Variants in CAMK1D observed in about 807,000 individuals in gnomAD.
CAMK1D encodes calcium/calmodulin dependent protein kinase ID, also known as calcium/calmodulin-dependent protein kinase type 1D.
CAMK1D carries 9 observed loss-of-function variants against 47.7 expected under a neutral mutation model. The observed-to-expected ratio is 0.19, with a 90% CI of 0.11 to 0.33. The LOEUF (loss-of-function observed/expected upper bound fraction) is 0.33, where lower values mean the gene tolerates loss of function less well. Among genes scored for constraint, CAMK1D ranks in the 10% least tolerant of loss-of-function variants. The pLI, the probability that CAMK1D is intolerant of heterozygous loss-of-function variation, is 1.00. For missense variants in CAMK1D, 291 were observed against 488.7 expected, an observed-to-expected ratio of 0.60 and a Z score of 3.81; for synonymous variants, 184 against 184.9, an observed-to-expected ratio of 0.99 and a Z score of 0.04.
chr10:12,511,644 T>C (rs1835043728), intron 1 of CAMK1D, among the ~76,000 whole-genome samples: 1 of 152,136 alleles, frequency 6.6e-6, no homozygotes, highest in African/African-American at 2.4e-5. Flanking sequence ...AAACCACATA[T>C]CTGGGTCCTC....
intron 1 of CAMK1D, among the ~76,000 whole-genome samples, chr10:12,492,812 G>A (rs1341874260): frequency 6.6e-6 from 1 of 152,114 alleles, no homozygotes; most frequent in African/African-American, 2.4e-5. Flanking sequence ...CAGGCTGGTA[G>A]CTTGAGGTCC....
At chr10:12,634,301 G>A (rs1839456243) in intron 2 of CAMK1D, among the ~76,000 whole-genome samples, 1 of 152,118 alleles carries the variant, frequency 6.6e-6, no homozygotes, top group South Asian at 2.1e-4. Context: ...GGGGAGAGAA[G>A]AAAATAAAAC....
At chr10:12,614,890 A>G (rs1170097816) in intron 2 of CAMK1D, among the ~76,000 whole-genome samples, 1 of 152,222 alleles carries the variant, frequency 6.6e-6, no homozygotes, top group East Asian at 1.9e-4. Flanking sequence ...TGGAGTAATC[A>G]GCCCCAAGTC....
At chr10:12,454,352 C>T (rs868762697) in intron 1 of CAMK1D, among the ~76,000 whole-genome samples, 6 of 151,498 alleles carry the variant, frequency 4.0e-5, no homozygotes, top group South Asian at 2.1e-4. Flanking sequence ...TTAGTAGAGA[C>T]GGGGCTTTAC....
At chr10:12,581,130 C>T (rs959752456) in intron 2 of CAMK1D, among the ~76,000 whole-genome samples, 3 of 152,142 alleles carry the variant, frequency 2.0e-5, no homozygotes, top group African/African-American at 7.2e-5. Context: ...TGAGTGAGAA[C>T]ATACGATGTT....
rs187947976 is a variant in CAMK1D, at chr10:12,795,959, G to A, written c.641+4726G>A. Reference sequence around the variant, plus strand: ...TAAGCGTGTTGGTGTCCAGTGTGACGGGCTTGGCTCAGCCAAGATAGCATA... The same window carrying A: ...TAAGCGTGTTGGTGTCCAGTGTGACAGGCTTGGCTCAGCCAAGATAGCATA... On this transcript the variant is annotated intron_variant, in intron 6 of 10. Coordinates refer to ENST00000619168, the MANE Select transcript of CAMK1D (RefSeq NM_153498.4). Among the ~76,000 whole-genome samples the A allele has an allele frequency of 8.5e-5, 13 of 152,272 alleles. No homozygotes were observed. The East Asian group carries it at 2.3e-3, about 27-fold the overall frequency.
intron 2 of CAMK1D, among the ~76,000 whole-genome samples, chr10:12,584,494 T>A (rs1167589643): frequency 2.0e-5 from 3 of 152,160 alleles, no homozygotes; most frequent in South Asian, 2.1e-4. Context: ...GTATCAAGGA[T>A]CCAATTTACT....
At chr10:12,400,209 T>C (rs1375483988) in intron 1 of CAMK1D, among the ~76,000 whole-genome samples, 2 of 152,214 alleles carry the variant, frequency 1.3e-5, no homozygotes, top group Admixed American at 6.5e-5. Context: ...GGCAAGCATT[T>C]AATTTTTACA....
At chr10:12,682,169 G>A (rs961854700) in intron 3 of CAMK1D, among the ~76,000 whole-genome samples, 20 of 152,182 alleles carry the variant, frequency 1.3e-4, no homozygotes, top group African/African-American at 4.6e-4. Flanking sequence ...GCAGTGAGCC[G>A]AGATCGCGTC....
At chr10:12,515,778 T>A (rs1211197040) in intron 1 of CAMK1D, among the ~76,000 whole-genome samples, 2 of 151,514 alleles carry the variant, frequency 1.3e-5, no homozygotes, top group Non-Finnish European at 2.9e-5. Context: ...CCCGGCTAAT[T>A]TTTTTTGTAT....
At chr10:12,673,300 T>C (rs1305482333) in intron 3 of CAMK1D, among the ~76,000 whole-genome samples, 1 of 152,204 alleles carries the variant, frequency 6.6e-6, no homozygotes, top group African/African-American at 2.4e-5. Context: ...CGTAAGTGTT[T>C]TCATTTTATT....
intron 2 of CAMK1D, among the ~76,000 whole-genome samples, chr10:12,644,985 G>T (rs903033476): frequency 8.4e-6 from 1 of 118,778 alleles, no homozygotes; most frequent in Non-Finnish European, 1.7e-5. Context: ...CCTTCACAGT[G>T]GTTTGAATTT....
intron 6 of CAMK1D, among the ~76,000 whole-genome samples, chr10:12,799,819 G>T (rs1251292861): frequency 1.3e-5 from 2 of 152,146 alleles, no homozygotes; most frequent in African/African-American, 4.8e-5. Flanking sequence ...GAATCAAAAT[G>T]TGGATTTTGC....
At chr10:12,676,329 C>T (rs1264089930) in intron 3 of CAMK1D, among the ~76,000 whole-genome samples, 2 of 152,192 alleles carry the variant, frequency 1.3e-5, no homozygotes, top group African/African-American at 2.4e-5. Context: ...TGTTCACTGA[C>T]ATATACCCCA....
chr10:12,740,854 G>A (rs1372720149), intron 3 of CAMK1D, among the ~76,000 whole-genome samples: 1 of 152,158 alleles, frequency 6.6e-6, no homozygotes, highest in African/African-American at 2.4e-5. Context: ...ACATCCCTTT[G>A]GTTGAGGACT....
chr10:12,573,831 CTTTTTTTTTTT>C (rs34038018), intron 2 of CAMK1D, among the ~76,000 whole-genome samples: 6 of 64,092 alleles, frequency 9.4e-5, no homozygotes, highest in African/African-American at 3.3e-4. Context: ...ATTAAAAAAA[CTTTTTTTTTTT>C]TTTTTTTTTT....
chr10:12,669,879 A>T (rs1840555871), intron 3 of CAMK1D, among the ~76,000 whole-genome samples: 1 of 151,896 alleles, frequency 6.6e-6, no homozygotes, highest in Non-Finnish European at 1.5e-5. Flanking sequence ...TTTATTGCTG[A>T]GTAGTATTCC....
In CAMK1D at chr10:12,833,101, G is replaced by C. The variant is rs570228243; in HGVS notation, c.*4214G>C. The C allele has an allele frequency of 1.2e-4, 19 of 152,570 alleles. No individual in the cohort carries two copies. Among genetic ancestry groups the C allele is most frequent in the African/African-American group, 4.3e-4 (18 of 41,562 alleles). 9.5% of individuals were successfully genotyped at this position (152,570 alleles called of 1,614,324 possible). On this transcript the variant is annotated 3_prime_UTR_variant, in exon 11 of 11. Coordinates refer to ENST00000619168, the MANE Select transcript of CAMK1D (RefSeq NM_153498.4). ...AGCCTGGGTGACAGAGCAAGACTCC[G>C]TCTCAAAAAAGATGGCCATGCTGGC...
chr10:12,441,160 T>G (rs1001734780), intron 1 of CAMK1D, among the ~76,000 whole-genome samples: 1 of 152,362 alleles, frequency 6.6e-6, no homozygotes, highest in South Asian at 2.1e-4. Flanking sequence ...TTGGACTTCA[T>G]TTCTGAAGGC....
Sources: allele counts gnomAD v4.1 joint callset (sites outside exome capture counted in the v4.1 genomes callset), GRCh38; gene constraint gnomAD v4.1.1; transcripts MANE v1.5; gene names NCBI Gene and HGNC (gene_info 2026-07-23, HGNC 2026-07-21).